Variants in LOC128462377 observed in about 807,000 individuals in gnomAD.
the LOC128462377 span, among the ~76,000 whole-genome samples, chr16:89,328,172 G>A: frequency 1.2e-4 from 18 of 152,164 alleles, no homozygotes; most frequent in Non-Finnish European, 2.2e-4. Flanking sequence ...CACACCAATC[G>A]GAACAGCTAA....
the LOC128462377 span, among the ~76,000 whole-genome samples, chr16:89,383,083 C>T: frequency 6.6e-6 from 1 of 152,232 alleles, no homozygotes; most frequent in African/African-American, 2.4e-5. Flanking sequence ...ATTCAACTTT[C>T]ACACCACTGT....
chr16:89,397,830 C>T, the LOC128462377 span, among the ~76,000 whole-genome samples: 1 of 152,208 alleles, frequency 6.6e-6, no homozygotes, highest in African/African-American at 2.4e-5. Context: ...GCGGCCCGTG[C>T]CACGTCTCCC....
At chr16:89,391,091 G>A in the LOC128462377 span, among the ~76,000 whole-genome samples, 58 of 152,078 alleles carry the variant, frequency 3.8e-4, no homozygotes, top group South Asian at 2.1e-4. Context: ...AGCCGGGCGC[G>A]GTGGTGGGCG....
the LOC128462377 span, among the ~76,000 whole-genome samples, chr16:89,351,425 A>G: frequency 6.6e-6 from 1 of 152,104 alleles, no homozygotes; most frequent in African/African-American, 2.4e-5. Flanking sequence ...ACCCTCCACT[A>G]CCTCCGCAAA....
chr16:89,318,969 C>G, the LOC128462377 span, among the ~76,000 whole-genome samples: 6 of 152,224 alleles, frequency 3.9e-5, no homozygotes, highest in African/African-American at 1.4e-4. Flanking sequence ...ACCGGAATGT[C>G]TCAGCCTGGA....
the LOC128462377 span, among the ~76,000 whole-genome samples, chr16:89,352,578 CG>C: frequency 6.6e-6 from 1 of 152,170 alleles, no homozygotes; most frequent in African/African-American, 2.4e-5. Flanking sequence ...CACTTCCTCT[CG>C]CCCTGGCCCA....
chr16:89,414,608 G>A, the LOC128462377 span, among the ~76,000 whole-genome samples: 7 of 152,318 alleles, frequency 4.6e-5, no homozygotes, highest in South Asian at 2.1e-4. Context: ...AGATACGACC[G>A]TGACCACTGT....
the LOC128462377 span, among the ~76,000 whole-genome samples, chr16:89,357,976 A>T: frequency 2.0e-5 from 3 of 152,254 alleles, no homozygotes; most frequent in African/African-American, 7.2e-5. Context: ...TATGATGCTC[A>T]ATTTCTGAAA....
chr16:89,402,637 G>C, the LOC128462377 span, among the ~76,000 whole-genome samples: 315 of 150,086 alleles, frequency 2.1e-3, 3 homozygotes, highest in African/African-American at 6.8e-3. Context: ...AGCTGTGGGT[G>C]GGGGGGGCAG....
At chr16:89,325,550 T>C in the LOC128462377 span, among the ~76,000 whole-genome samples, 8 of 151,732 alleles carry the variant, frequency 5.3e-5, no homozygotes, top group South Asian at 4.2e-4. Flanking sequence ...TTTCTGAAAA[T>C]AGCAACTACA....
chr16:89,319,509 A>G, the LOC128462377 span, among the ~76,000 whole-genome samples: 1 of 152,198 alleles, frequency 6.6e-6, no homozygotes, highest in Non-Finnish European at 1.5e-5. Context: ...CTGCACGATG[A>G]CAGCTAAGAC....
At chr16:89,347,938 T>C in the LOC128462377 span, among the ~76,000 whole-genome samples, 1 of 151,884 alleles carries the variant, frequency 6.6e-6, no homozygotes, top group Non-Finnish European at 1.5e-5. Flanking sequence ...GTATGGGATT[T>C]TGTCTTTTTT....
chr16:89,401,017 G>A, the LOC128462377 span, among the ~76,000 whole-genome samples: 2 of 152,176 alleles, frequency 1.3e-5, no homozygotes, highest in African/African-American at 2.4e-5. Context: ...GGGAGGCCCC[G>A]CGTGTGGGTG....
the LOC128462377 span, among the ~76,000 whole-genome samples, chr16:89,349,347 G>A: frequency 1.3e-5 from 2 of 151,690 alleles, no homozygotes; most frequent in Non-Finnish European, 2.9e-5. Context: ...GGGCGTGGTG[G>A]CGGGCGCCTG....
At chr16:89,347,888 C>T in the LOC128462377 span, among the ~76,000 whole-genome samples, 2 of 151,798 alleles carry the variant, frequency 1.3e-5, no homozygotes, top group Non-Finnish European at 1.5e-5. Flanking sequence ...AGGAAACTCC[C>T]TTCTGTTCTT....
the LOC128462377 span, among the ~76,000 whole-genome samples, chr16:89,337,955 A>C: frequency 6.6e-6 from 1 of 152,196 alleles, no homozygotes; most frequent in African/African-American, 2.4e-5. Flanking sequence ...ATGAGGGTCC[A>C]GCTTCCAAGC....
the LOC128462377 span, chr16:89,323,144 C>T: frequency 2.7e-6 from 1 of 367,182 alleles, no homozygotes; most frequent in Admixed American, 3.6e-5. Context: ...GGGAGAAGCA[C>T]GGTCTCCAGC....
the LOC128462377 span, among the ~76,000 whole-genome samples, chr16:89,353,395 A>T: frequency 6.6e-6 from 1 of 152,094 alleles, no homozygotes; most frequent in African/African-American, 2.4e-5. Flanking sequence ...GTTTCTATTT[A>T]TTTCTCCAGA....
At chr16:89,329,027 G>A in the LOC128462377 span, 4 of 149,502 alleles carry the variant, frequency 2.7e-5, no homozygotes, top group Admixed American at 6.6e-5. Flanking sequence ...AGAGGCCCCT[G>A]GTGAGTGAGT....
Sources: gnomAD v4.1 joint callset for allele counts (sites outside exome capture counted in the v4.1 genomes callset) on GRCh38, gnomAD v4.1.1 for gene constraint, MANE v1.5 for transcripts.